The following CSTPP1 variants were observed in gnomAD, a reference collection of about 807,000 sequenced individuals.
The protein encoded by CSTPP1 is UPF0705 protein C11orf49.
chr11:46,997,245 T>C, the CSTPP1 span, among the ~76,000 whole-genome samples: 1 of 152,230 alleles, frequency 6.6e-6, no homozygotes, highest in Non-Finnish European at 1.5e-5. Flanking sequence ...TTGGAGGCTT[T>C]GTTCGTTTCT....
the CSTPP1 span, among the ~76,000 whole-genome samples, chr11:47,122,732 A>C: frequency 6.6e-6 from 1 of 152,070 alleles, no homozygotes; most frequent in African/African-American, 2.4e-5. Context: ...GGTGTGCACC[A>C]CTGTGCCTGG....
the CSTPP1 span, among the ~76,000 whole-genome samples, chr11:47,047,055 C>T: frequency 6.6e-6 from 1 of 151,946 alleles, no homozygotes; most frequent in Non-Finnish European, 1.5e-5. Flanking sequence ...TGCCCGCCAC[C>T]ACACCTGGCT....
the CSTPP1 span, among the ~76,000 whole-genome samples, chr11:47,002,240 C>T: frequency 6.6e-6 from 1 of 152,162 alleles, no homozygotes; most frequent in Admixed American, 6.5e-5. Flanking sequence ...CCCACTGTTA[C>T]TAGGCCAGGC....
At chr11:47,161,013 C>T in the CSTPP1 span, 16 of 1,347,224 alleles carry the variant, frequency 1.2e-5, no homozygotes, top group East Asian at 2.3e-5. Flanking sequence ...ATCTTTAGAT[C>T]GGCCCTCGCA....
the CSTPP1 span, among the ~76,000 whole-genome samples, chr11:46,965,107 CTACTTTCAAAA>C: frequency 8.5e-4 from 129 of 151,680 alleles, no homozygotes; most frequent in Admixed American, 1.4e-3. Flanking sequence ...GACAAGTGGA[CTACTTTCAAAA>C]TACTTTCAAA....
the CSTPP1 span, among the ~76,000 whole-genome samples, chr11:47,107,959 C>T: frequency 6.6e-6 from 1 of 152,242 alleles, no homozygotes; most frequent in Non-Finnish European, 1.5e-5. Flanking sequence ...ATACAGTAGT[C>T]CAGGCCTTCC....
chr11:47,087,792 A>G, the CSTPP1 span, among the ~76,000 whole-genome samples: 6,551 of 152,184 alleles, frequency 0.043, 482 homozygotes, highest in African/African-American at 0.15. Flanking sequence ...TGGGGGCCTA[A>G]AACAATACAC....
the CSTPP1 span, among the ~76,000 whole-genome samples, chr11:47,128,107 C>T: frequency 6.6e-6 from 1 of 151,930 alleles, no homozygotes; most frequent in Non-Finnish European, 1.5e-5. Flanking sequence ...GAACTCCTGA[C>T]CAAGTGATCT....
the CSTPP1 span, among the ~76,000 whole-genome samples, chr11:47,069,119 A>G: frequency 6.6e-6 from 1 of 152,202 alleles, no homozygotes; most frequent in African/African-American, 2.4e-5. Flanking sequence ...TTGAAATTAA[A>G]CTTTTATAGA....
the CSTPP1 span, among the ~76,000 whole-genome samples, chr11:47,010,841 G>C: frequency 6.6e-6 from 1 of 151,998 alleles, no homozygotes; most frequent in Non-Finnish European, 1.5e-5. Flanking sequence ...CACTGTCCCT[G>C]GTAAATTTTT....
chr11:47,111,401 C>G, the CSTPP1 span, among the ~76,000 whole-genome samples: 1 of 152,106 alleles, frequency 6.6e-6, no homozygotes, highest in Non-Finnish European at 1.5e-5. Context: ...GCTTACTCCC[C>G]GGTGGTTTGT....
the CSTPP1 span, among the ~76,000 whole-genome samples, chr11:47,068,367 A>G: frequency 6.6e-6 from 1 of 151,880 alleles, no homozygotes; most frequent in Admixed American, 6.6e-5. Context: ...CCCTGTCTCT[A>G]TTAAAAACAC....
the CSTPP1 span, among the ~76,000 whole-genome samples, chr11:47,144,071 T>G: frequency 6.6e-6 from 1 of 152,236 alleles, no homozygotes; most frequent in Non-Finnish European, 1.5e-5. Context: ...AGCCCTGTTT[T>G]TATATCTGTA....
chr11:46,948,284 G>A, the CSTPP1 span: 1 of 390,376 alleles, frequency 2.6e-6, no homozygotes, highest in South Asian at 1.9e-5. Flanking sequence ...TCCCATCTTA[G>A]TTTTTCAGAA....
chr11:47,092,577 A>T, the CSTPP1 span, among the ~76,000 whole-genome samples: 5,980 of 152,300 alleles, frequency 0.039, 366 homozygotes, highest in African/African-American at 0.14. Flanking sequence ...GAATCATGAC[A>T]TCTTACCCCT....
the CSTPP1 span, among the ~76,000 whole-genome samples, chr11:47,088,523 TA>T: frequency 6.6e-6 from 1 of 152,126 alleles, no homozygotes; most frequent in Non-Finnish European, 1.5e-5. Flanking sequence ...AGAACAGGAC[TA>T]GTAAAAATAA....
the CSTPP1 span, among the ~76,000 whole-genome samples, chr11:46,945,611 T>C: frequency 2.0e-5 from 3 of 152,012 alleles, no homozygotes; most frequent in African/African-American, 7.2e-5. Flanking sequence ...CAAGACTCTG[T>C]CTCAAAATAA....
the CSTPP1 span, among the ~76,000 whole-genome samples, chr11:47,123,730 G>A: frequency 2.6e-5 from 4 of 152,172 alleles, no homozygotes; most frequent in South Asian, 2.1e-4. Flanking sequence ...ACTGGGCACC[G>A]TGGCTCACGC....
At chr11:47,094,431 A>C in the CSTPP1 span, among the ~76,000 whole-genome samples, 1 of 151,998 alleles carries the variant, frequency 6.6e-6, no homozygotes, top group African/African-American at 2.4e-5. Context: ...TTAGGAACCT[A>C]ACAATTTATT....
Sources: gnomAD v4.1 joint callset for allele counts (sites outside exome capture counted in the v4.1 genomes callset) on GRCh38, gnomAD v4.1.1 for gene constraint, MANE v1.5 for transcripts, NCBI Gene and HGNC (gene_info 2026-07-23, HGNC 2026-07-21) for gene names.